The following NCAM1 variants were observed in gnomAD, a reference collection of about 807,000 sequenced individuals.
NCAM1 encodes antigen recognized by monoclonal antibody 5.1H11.
NCAM1 carries 14 observed loss-of-function variants against 109.8 expected under a neutral mutation model. The ratio of observed to expected loss-of-function variants is 0.13; its 90% CI spans 0.08 to 0.20. The LOEUF is 0.20. NCAM1 is among the 10% of genes least tolerant of loss of function. The probability of loss-of-function intolerance (pLI) is 1.00; values close to 1 mark genes in which losing one functional copy is unlikely to be tolerated. For synonymous variants in NCAM1, 418 were observed against 442.9 expected, an observed-to-expected ratio of 0.94 and a Z score of 0.70; for missense variants, 774 against 1,109.9, an observed-to-expected ratio of 0.70 and a Z score of 4.30.
chr11:113,261,233 T>A (rs1555123293), intron 17 of NCAM1, among the ~76,000 whole-genome samples: 1 of 151,916 alleles, frequency 6.6e-6, no homozygotes, highest in Non-Finnish European at 1.5e-5. Context: ...GCCCGGCTCT[T>A]GGCTCGGTGG....
At chr11:113,108,317 G>A (rs1438608598) in intron 1 of NCAM1, among the ~76,000 whole-genome samples, 2 of 152,296 alleles carry the variant, frequency 1.3e-5, no homozygotes, top group African/African-American at 2.4e-5. Context: ...TGAGCAGGGT[G>A]CTGGAGTGTG....
chr11:113,019,294 C>T (rs1013162057), intron 1 of NCAM1, among the ~76,000 whole-genome samples: 3 of 152,204 alleles, frequency 2.0e-5, no homozygotes, highest in Admixed American at 6.5e-5. Context: ...CTAACATTTG[C>T]GTGATTTCAA....
intron 17 of NCAM1, chr11:113,269,880 A>G: frequency 2.3e-6 from 1 of 436,420 alleles, no homozygotes; most frequent in Non-Finnish European, 4.2e-6. Flanking sequence ...CAACTGCCTC[A>G]TTATCCGGTG....
intron 1 of NCAM1, among the ~76,000 whole-genome samples, chr11:113,077,296 T>G (rs1938571071): frequency 6.6e-6 from 1 of 152,182 alleles, no homozygotes; most frequent in Non-Finnish European, 1.5e-5. Flanking sequence ...TGGAGGAGAT[T>G]GTATTTTGAT....
chr11:113,001,701 C>A (rs1255896345), intron 1 of NCAM1, among the ~76,000 whole-genome samples: 1 of 152,110 alleles, frequency 6.6e-6, no homozygotes, highest in African/African-American at 2.4e-5. Context: ...TGGTGTGGTG[C>A]CTAACCTTGT....
At chr11:113,270,521 C>G (rs1345935118) in intron 18 of NCAM1, 126 bp downstream of exon 18, 2 of 856,480 alleles carry the variant, frequency 2.3e-6, no homozygotes, top group Admixed American at 2.5e-5. Flanking sequence ...CATTTGGAAC[C>G]CTGATGGGGG....
At chr11:113,096,922 G>A (rs1233327393) in intron 1 of NCAM1, among the ~76,000 whole-genome samples, 2 of 151,916 alleles carry the variant, frequency 1.3e-5, no homozygotes, top group South Asian at 2.1e-4. Context: ...TCTCTCCCCT[G>A]ACAAGTTTGT....
chr11:113,271,890 G>A lies in NCAM1; in HGVS notation c.2456+14G>A, dbSNP rs368829253. The A allele has an allele frequency of 1.7e-3, 2,572 of 1,549,140 alleles. 6 individuals carry two copies. The highest frequency in any genetic ancestry group is 3.5e-3 in the Admixed American group (181 of 51,206). ...GACGGAGCCCGAGTACGTGGGCTGG[G>A]AGGGGCTGGCACCTGCTCCGTAGAG... On this transcript the variant is annotated intron_variant, in intron 19 of 19. Transcript: ENST00000316851.
chr11:113,200,412 C>T (rs782310805), intron 1 of NCAM1, among the ~76,000 whole-genome samples: 1 of 152,176 alleles, frequency 6.6e-6, no homozygotes, highest in African/African-American at 2.4e-5. Context: ...TTCATGGGCT[C>T]TCTGTGTTCT....
chr11:113,047,339 C>T (rs1161620952), intron 1 of NCAM1, among the ~76,000 whole-genome samples: 2 of 152,092 alleles, frequency 1.3e-5, no homozygotes, highest in African/African-American at 4.8e-5. Flanking sequence ...AATAAAATCA[C>T]ACTTAAAATA....
intron 14 of NCAM1, chr11:113,243,591 C>G (rs61902540): frequency 0.032 from 16,370 of 518,130 alleles, 315 homozygotes; most frequent in Middle Eastern, 0.084. Flanking sequence ...ATGTTCCAAG[C>G]TGGTCTTCAT....
At chr11:113,173,585 T>TATATA (rs1272373735) in intron 1 of NCAM1, among the ~76,000 whole-genome samples, 1 of 71,332 alleles carries the variant, frequency 1.4e-5, no homozygotes, top group Non-Finnish European at 2.6e-5. Context: ...TATTAGCATG[T>TATATA]TACCTGATAT....
intron 1 of NCAM1, among the ~76,000 whole-genome samples, chr11:113,174,630 T>C (rs1410390864): frequency 2.0e-5 from 3 of 152,212 alleles, no homozygotes; most frequent in African/African-American, 7.2e-5. Context: ...CCATGGCTAG[T>C]ATAGACTTTA....
intron 1 of NCAM1, among the ~76,000 whole-genome samples, chr11:113,138,264 T>A (rs2136177617): frequency 6.6e-6 from 1 of 152,358 alleles, no homozygotes. Context: ...GTTTGAGAGA[T>A]GAATGTGTAA....
intron 1 of NCAM1, among the ~76,000 whole-genome samples, chr11:113,150,783 T>G (rs954877984): frequency 6.6e-6 from 1 of 152,038 alleles, no homozygotes; most frequent in Admixed American, 6.6e-5. Context: ...GGAGACCTTG[T>G]GAAGGAAGAG....
chr11:113,084,282 A>G (rs949404945), intron 1 of NCAM1, among the ~76,000 whole-genome samples: 3 of 152,156 alleles, frequency 2.0e-5, no homozygotes, highest in Non-Finnish European at 4.4e-5. Flanking sequence ...TAGAGACTTT[A>G]TTCTCCTCAC....
chr11:112,998,857 T>A lies in NCAM1; in HGVS notation c.52+37193T>A, dbSNP rs570753908. On this transcript the variant is annotated intron_variant, in intron 1 of 19. Coordinates refer to ENST00000316851, the MANE Select transcript of NCAM1 (RefSeq NM_181351.5). ...AATTTCTCCATCAGTTAAAATGGTT[T>A]TTTGAACTTTTGGATTCTGCCAAAT... 8.5e-5 allele frequency among the ~76,000 whole-genome samples: 13 copies of A among 152,334 alleles called. 1 individual carries two copies. In the South Asian group the frequency reaches 2.5e-3, roughly 29 times the overall value.
intron 17 of NCAM1, chr11:113,263,283 A>C (rs1946059129): frequency 2.0e-6 from 2 of 1,017,586 alleles, no homozygotes; most frequent in Non-Finnish European, 2.4e-6. Flanking sequence ...GATGTAGCAG[A>C]GGAAGAATTC....
At chr11:113,128,841 C>T (rs1374362251) in intron 1 of NCAM1, among the ~76,000 whole-genome samples, 1 of 151,104 alleles carries the variant, frequency 6.6e-6, no homozygotes, top group African/African-American at 2.4e-5. Flanking sequence ...TCACTGGGGA[C>T]AGCTGGAATT....
Sources: allele counts gnomAD v4.1 joint callset (sites outside exome capture counted in the v4.1 genomes callset), GRCh38; gene constraint gnomAD v4.1.1; transcripts MANE v1.5; gene names NCBI Gene and HGNC (gene_info 2026-07-23, HGNC 2026-07-21).